BABAM2: variants seen among roughly 807,000 people sequenced by gnomAD.
The protein encoded by BABAM2 is BRISC and BRCA1-A complex member 2.
Under a neutral mutation model 54.7 loss-of-function variants are expected in BABAM2, and 31 were observed. The observed-to-expected ratio is 0.57, with a 90% confidence interval of 0.43 to 0.77. The LOEUF (loss-of-function observed/expected upper bound fraction) is 0.77. BABAM2 is among the 30% of genes least tolerant of loss of function. The probability of loss-of-function intolerance (pLI) is 0.00; values close to 1 mark genes in which losing one functional copy is unlikely to be tolerated. For synonymous variants in BABAM2, 167 were observed against 162.9 expected (o/e 1.03, Z -0.19); for missense variants, 364 against 455.8 (o/e 0.80, Z 1.83).
chr2:28,075,056 C>T (rs1353237801), intron 6 of BABAM2, among the ~76,000 whole-genome samples: 1 of 152,012 alleles, frequency 6.6e-6, no homozygotes, highest in African/African-American at 2.4e-5. Flanking sequence ...GTTCACGGAC[C>T]CTTGGGGACA....
At chr2:28,059,312 A>G (rs1678679528) in intron 6 of BABAM2, among the ~76,000 whole-genome samples, 1 of 152,172 alleles carries the variant, frequency 6.6e-6, no homozygotes, top group African/African-American at 2.4e-5. Context: ...TTTTCTGAAG[A>G]TCCATTTTCT....
intron 6 of BABAM2, among the ~76,000 whole-genome samples, chr2:28,103,398 A>G (rs1667249509): frequency 6.6e-6 from 1 of 152,054 alleles, no homozygotes; most frequent in African/African-American, 2.4e-5. Flanking sequence ...CTAGAGCCAC[A>G]ATCTCCTGGG....
intron 5 of BABAM2, among the ~76,000 whole-genome samples, chr2:28,044,413 T>G (rs186905406): frequency 5.3e-5 from 8 of 152,164 alleles, no homozygotes; most frequent in African/African-American, 1.9e-4. Context: ...TATTCTTTAG[T>G]GGAGATGGGG....
rs1690537839 is a variant in BABAM2 at position 28,327,167 on chromosome 2, T to C, written c.1089-11283T>C. ...GATGAACGCCAGAGAAAGAAGCTGG[T>C]CCCATGGCCGGTGGAGGCTCAGGAG... On this transcript the variant is annotated intron_variant, in intron 11 of 11. Coordinates refer to ENST00000379624, the MANE Select transcript of BABAM2 (RefSeq NM_199191.3). 4 of 1,189,546 alleles carry C rather than the reference T, an allele frequency of 3.4e-6. No homozygotes were observed. The South Asian group carries it at 4.8e-5, about 14-fold the overall frequency. 73.7% of individuals were successfully genotyped at this position (1,189,546 alleles called of 1,614,324 possible). A position where few individuals can be genotyped will look rare whatever the true frequency, so the allele number is the denominator to read the frequency against.
At chr2:28,318,693 T>C (rs189610310) in intron 11 of BABAM2, among the ~76,000 whole-genome samples, 129 of 152,318 alleles carry the variant, frequency 8.5e-4, no homozygotes, top group African/African-American at 3.0e-3. Context: ...TTGATTTTGC[T>C]GTGTGTCTGT....
intron 11 of BABAM2, among the ~76,000 whole-genome samples, chr2:28,335,926 G>A (rs1324789333): frequency 6.6e-6 from 1 of 152,200 alleles, no homozygotes; most frequent in African/African-American, 2.4e-5. Context: ...CAGTTTCTCT[G>A]AGGAGAGGAT....
chr2:28,278,038 G>A (rs1466671887), intron 10 of BABAM2, among the ~76,000 whole-genome samples: 2 of 152,208 alleles, frequency 1.3e-5, no homozygotes, highest in Non-Finnish European at 2.9e-5. Flanking sequence ...CAGTGTATTC[G>A]TGGGCTGATG....
At chr2:27,918,537 G>A (rs1667139951) in intron 2 of BABAM2, among the ~76,000 whole-genome samples, 1 of 151,952 alleles carries the variant, frequency 6.6e-6, no homozygotes. Flanking sequence ...TCCATGGATG[G>A]ACACTTGGAT....
intron 6 of BABAM2, among the ~76,000 whole-genome samples, chr2:28,071,036 T>A (rs1214981692): frequency 6.6e-6 from 1 of 152,080 alleles, no homozygotes; most frequent in Non-Finnish European, 1.5e-5. Flanking sequence ...TAAATGAGAA[T>A]AAGATCTGCC....
chr2:28,100,374 C>G (rs1052355432), intron 6 of BABAM2, among the ~76,000 whole-genome samples: 1 of 149,182 alleles, frequency 6.7e-6, no homozygotes, highest in Admixed American at 6.8e-5. Flanking sequence ...GCAGGAGAAT[C>G]GCTTGAACCT....
At chr2:28,194,017 G>T (rs12618103) in intron 7 of BABAM2, among the ~76,000 whole-genome samples, 47,193 of 151,914 alleles carry the variant, frequency 0.31, 7,999 homozygotes, top group East Asian at 0.66. Context: ...AACCAAATTT[G>T]GGGGGTCAGG....
At chr2:28,134,141 G>A (rs567869502) in intron 7 of BABAM2, among the ~76,000 whole-genome samples, 3 of 139,904 alleles carry the variant, frequency 2.1e-5, no homozygotes, top group African/African-American at 5.4e-5. Context: ...AAACCAATCC[G>A]TTGAATTAGA....
At chr2:28,067,636 T>C (rs1663727906) in intron 6 of BABAM2, among the ~76,000 whole-genome samples, 1 of 152,168 alleles carries the variant, frequency 6.6e-6, no homozygotes, top group African/African-American at 2.4e-5. Flanking sequence ...TTGGATTTCA[T>C]CAGTACACAT....
chr2:28,032,560 T>G (rs2148584121), intron 5 of BABAM2, among the ~76,000 whole-genome samples: 1 of 152,310 alleles, frequency 6.6e-6, no homozygotes, highest in African/African-American at 2.4e-5. Flanking sequence ...TACCAAATTG[T>G]TTCTCCTTAT....
chr2:27,994,379 A>C (rs1190982556), intron 4 of BABAM2, among the ~76,000 whole-genome samples: 2 of 152,220 alleles, frequency 1.3e-5, no homozygotes, highest in African/African-American at 4.8e-5. Flanking sequence ...TAGCATGGTG[A>C]ATTTCCAAAA....
chr2:27,993,810 G>T (rs911213223), intron 4 of BABAM2, among the ~76,000 whole-genome samples: 2 of 152,076 alleles, frequency 1.3e-5, no homozygotes, highest in African/African-American at 4.8e-5. Context: ...GAATGTAAGA[G>T]TACCAATGCC....
intron 11 of BABAM2, among the ~76,000 whole-genome samples, chr2:28,316,830 C>T (rs538048214): frequency 6.6e-6 from 1 of 152,086 alleles, no homozygotes; most frequent in Non-Finnish European, 1.5e-5. Context: ...TCATGGATAT[C>T]GAAGCCAGAA....
chr2:28,309,301 C>T (rs957306596), intron 11 of BABAM2: 1 of 152,158 alleles, frequency 6.6e-6, no homozygotes, highest in Admixed American at 6.5e-5. Context: ...TCAGATCCCT[C>T]TTATATTTTG....
chr2:28,228,534 A>G (rs940176439), intron 7 of BABAM2, among the ~76,000 whole-genome samples: 23 of 152,186 alleles, frequency 1.5e-4, no homozygotes, highest in Admixed American at 1.0e-3. Flanking sequence ...TTGGAGTTTT[A>G]TAACAAACTC....
Sources: gnomAD v4.1 joint callset for allele counts (sites outside exome capture counted in the v4.1 genomes callset) on GRCh38, gnomAD v4.1.1 for gene constraint, MANE v1.5 for transcripts, NCBI Gene and HGNC (gene_info 2026-07-23, HGNC 2026-07-21) for gene names.